Variants in XKR5 observed in about 807,000 individuals in gnomAD.
The protein encoded by XKR5 is XK related 5.
Under a neutral mutation model 40.8 loss-of-function variants are expected in XKR5, and 46 were observed. That is an observed-to-expected ratio of 1.13 (90% CI 0.89 to 1.44). XKR5 has a LOEUF of 1.44. XKR5 is among the 40% of genes most tolerant of loss of function. XKR5 has a pLI of 0.00. For synonymous variants in XKR5, 466 were observed against 356.1 expected (o/e 1.31, Z -3.48); for missense variants, 1,169 against 844.7 (o/e 1.38, Z -4.76).
At chr8:6,824,836 T>C (rs1004110261) in intron 3 of XKR5, among the ~76,000 whole-genome samples, 1 of 152,180 alleles carries the variant, frequency 6.6e-6, no homozygotes, top group African/African-American at 2.4e-5. Context: ...ATTATTCTAA[T>C]GATTAAAGAC....
chr8:6,831,086 C>A (rs1337789481), intron 2 of XKR5, among the ~76,000 whole-genome samples: 1 of 152,196 alleles, frequency 6.6e-6, no homozygotes. Flanking sequence ...TGGTAGCTGA[C>A]TCACTCAACA....
rs369447312 is a variant in XKR5, at chr8:6,820,709, G to A, written c.807+1160C>T. On this transcript the variant is annotated intron_variant, in intron 5 of 6. Transcript: ENST00000618742. ...TTATGCTCGGTGTTCAGATGTGGAC[G>A]CTGAGGTTGGTGAGGCTCAGTAATG... 1.5e-4 allele frequency among the ~76,000 whole-genome samples: 23 copies of A among 152,308 alleles called. No homozygotes were observed. In the South Asian group the frequency reaches 3.9e-3, roughly 26 times the overall value.
rs1237133735 is a variant in XKR5 at position 6,815,828 on chromosome 8, C to A, written c.898G>T (p.Val300Phe). Residue 300 changes from valine (V) to phenylalanine (F), a missense_variant, in exon 6 of 7, where the codon GTC becomes TTC. By Grantham distance (50) the Val-to-Phe change is conservative (BLOSUM62 -1). Coordinates refer to ENST00000618742, the MANE Select transcript of XKR5 (RefSeq NM_207411.5). ...SWTSLQTIAG[V>F]LSGFLIGSVS... is the part of the protein sequence containing the mutation. ...TTACCAATCAGAAATCCAGACAGGACCCCAGCTATGGTCTGCAGGCTGGTC... is the reference window on the plus strand; with the variant it reads ...TTACCAATCAGAAATCCAGACAGGAACCCAGCTATGGTCTGCAGGCTGGTC... The A allele has an allele frequency of 6.2e-7, 1 of 1,604,276 alleles. No homozygotes were observed.
chr8:6,826,849 C>T (rs960502034), intron 2 of XKR5, among the ~76,000 whole-genome samples: 4 of 152,120 alleles, frequency 2.6e-5, no homozygotes, highest in Non-Finnish European at 4.4e-5. Flanking sequence ...GAGAGAGCTG[C>T]TGATCTCTGC....
At chr8:6,833,035 A>G in intron 1 of XKR5, 135 bp from the exon 2 acceptor site, 1 of 808,720 alleles carries the variant, frequency 1.2e-6, no homozygotes, top group Non-Finnish European at 1.8e-6. Context: ...CTGGGGAGTG[A>G]CTGTCCCTCC....
At chr8:6,813,030 A>G (rs1346071407) in intron 6 of XKR5, among the ~76,000 whole-genome samples, 3 of 152,220 alleles carry the variant, frequency 2.0e-5, no homozygotes, top group African/African-American at 7.2e-5. Context: ...GTTGTACTGG[A>G]TAAAGTGCCT....
intron 3 of XKR5, among the ~76,000 whole-genome samples, chr8:6,824,507 G>C (rs1286861924): frequency 6.6e-6 from 1 of 152,120 alleles, no homozygotes; most frequent in Non-Finnish European, 1.5e-5. Flanking sequence ...GAAGGTATAA[G>C]CCTCTGGCTT....
intron 2 of XKR5, among the ~76,000 whole-genome samples, chr8:6,831,108 T>A (rs1318058405): frequency 6.6e-6 from 1 of 152,174 alleles, no homozygotes; most frequent in Non-Finnish European, 1.5e-5. Flanking sequence ...GCCTCTGTCC[T>A]CGAGGGCTCA....
chr8:6,813,421 T>C (rs1314915713), intron 6 of XKR5, among the ~76,000 whole-genome samples: 1 of 152,150 alleles, frequency 6.6e-6, no homozygotes, highest in African/African-American at 2.4e-5. Flanking sequence ...GGCACACTTA[T>C]TCAGTGAACA....
At chr8:6,825,650 C>T (rs948829434) in intron 2 of XKR5, among the ~76,000 whole-genome samples, 8 of 152,002 alleles carry the variant, frequency 5.3e-5, no homozygotes, top group African/African-American at 1.9e-4. Context: ...ACCCAGACTG[C>T]CAGCTCTGTG....
Position 6,810,687 on chromosome 8 carries a change from TGTTA to T in XKR5, c.*507_*510del, listed in dbSNP as rs1293597513. 6.5e-6 allele frequency: 1 copy of T among 152,708 alleles called. No homozygotes were observed. Among genetic ancestry groups the T allele is most frequent in the African/African-American group, 2.4e-5 (1 of 41,444 alleles). The allele number at this position is 152,708 out of a possible 1,614,324, so 9.5% of individuals were successfully genotyped here. On this transcript the variant is annotated 3_prime_UTR_variant, in exon 7 of 7. Transcript: ENST00000618742. ...AGAATGACATTTGCACTTTCAGTTA[TGTTA>T]GTTATTACAAGCACACAGGCCTTAC...
Position 6,811,916 on chromosome 8 carries a change from G to C in XKR5, c.1343C>G (p.Ala448Gly), listed in dbSNP as rs372323152. The C allele has an allele frequency of 3.3e-6, 5 of 1,537,278 alleles. No individual in the cohort carries two copies. In the African/African-American group the frequency reaches 6.8e-5, roughly 21 times the overall value. The change falls in exon 7 of 7, where the codon GCC becomes GGC. Residue 448 changes from alanine to glycine, a missense_variant. By Grantham distance (60) the Ala-to-Gly change is moderately conservative. Coordinates refer to ENST00000618742, the MANE Select transcript of XKR5 (RefSeq NM_207411.5). Reference sequence around the variant, plus strand: ...TGGGAGCTCTTGCTGGGCAGACAAGGCCTTTCTCTGCAGGTAGTCCTGTTG... The same window carrying C: ...TGGGAGCTCTTGCTGGGCAGACAAGCCCTTTCTCTGCAGGTAGTCCTGTTG... ...LSQQDYLQRK[A>G]LSAQQELPSS...
At position 6,810,911 on chromosome 8, in the gene XKR5, A is replaced by C; in HGVS notation, c.*287T>G. On this transcript the variant is annotated 3_prime_UTR_variant, in exon 7 of 7. Coordinates refer to ENST00000618742, the MANE Select transcript of XKR5 (RefSeq NM_207411.5). Reference sequence around the variant, plus strand: ...CACAGCAAAAAGATAAAATAAGGGAACCTACAGCTCATAAAAGGTAGCAGA... The same window carrying C: ...CACAGCAAAAAGATAAAATAAGGGACCCTACAGCTCATAAAAGGTAGCAGA... The C allele has an allele frequency of 3.7e-6, 1 of 268,992 alleles. No homozygotes were observed. The allele number at this position is 268,992 out of a possible 1,614,324, so 16.7% of individuals were successfully genotyped here.
intron 2 of XKR5, among the ~76,000 whole-genome samples, chr8:6,826,886 C>T (rs1406234107): frequency 1.3e-5 from 2 of 152,168 alleles, no homozygotes; most frequent in African/African-American, 4.8e-5. Context: ...TGGGGTGGCC[C>T]AGGGCCACGG....
chr8:6,817,375 A>G (rs1225481182), intron 5 of XKR5, among the ~76,000 whole-genome samples: 3 of 152,014 alleles, frequency 2.0e-5, no homozygotes, highest in Non-Finnish European at 4.4e-5. Flanking sequence ...TTCCCAAACG[A>G]CATTCCACTG....
chr8:6,813,212 C>G (rs568261526), intron 6 of XKR5, among the ~76,000 whole-genome samples: 175 of 152,300 alleles, frequency 1.1e-3, no homozygotes, highest in African/African-American at 4.0e-3. Context: ...TGGTTAGTGG[C>G]CAGGCTCCAA....
At chr8:6,835,327 G>T (rs982785309) in intron 1 of XKR5, 109 bp downstream of exon 1, 3 of 1,146,100 alleles carry the variant, frequency 2.6e-6, no homozygotes, top group Non-Finnish European at 3.4e-6. Context: ...AGTGCTGGGC[G>T]CAGGCTGGGG....
chr8:6,834,821 G>T (rs1395120810), intron 1 of XKR5, among the ~76,000 whole-genome samples: 1 of 152,000 alleles, frequency 6.6e-6, no homozygotes. Flanking sequence ...GCCGCGGCTG[G>T]CGGGCTCTGG....
At chr8:6,827,575 T>C (rs1804568285) in intron 2 of XKR5, among the ~76,000 whole-genome samples, 1 of 152,236 alleles carries the variant, frequency 6.6e-6, no homozygotes, top group South Asian at 2.1e-4. Context: ...TGAACCCATT[T>C]CTTACTGTGT....
Sources: gnomAD v4.1 joint callset for allele counts (sites outside exome capture counted in the v4.1 genomes callset) on GRCh38, gnomAD v4.1.1 for gene constraint, MANE v1.5 for transcripts, NCBI Gene and HGNC (gene_info 2026-07-23, HGNC 2026-07-21) for gene names.